HSPG2: variants seen among roughly 807,000 people sequenced by gnomAD.
HSPG2 encodes the protein basement membrane-specific heparan sulfate proteoglycan core protein.
Under a neutral mutation model 526.6 loss-of-function variants are expected in HSPG2, and 278 were observed. That is an observed-to-expected ratio of 0.53 (90% CI 0.48 to 0.58). The LOEUF is 0.58. Ranked by LOEUF, HSPG2 falls within the 20% of genes least tolerant of loss-of-function variation. HSPG2 has a pLI of 0.00. For missense variants in HSPG2, 5,354 were observed against 6,099.5 expected (o/e 0.88, Z 4.07); for synonymous variants, 2,465 against 2,555.4 (o/e 0.96, Z 1.07).
At chr1:21,896,350 C>A in intron 1 of HSPG2, 40 bp from the exon 2 acceptor site, 1 of 1,606,894 alleles carries the variant, frequency 6.2e-7, no homozygotes, top group Non-Finnish European at 8.5e-7. Flanking sequence ...CTCTCTCCAG[C>A]TCCCACTGAG....
intron 1 of HSPG2, among the ~76,000 whole-genome samples, chr1:21,913,406 C>T (rs1643771262): frequency 6.6e-6 from 1 of 152,186 alleles, no homozygotes; most frequent in South Asian, 2.1e-4. Context: ...ATGCGACATC[C>T]CAGGGACTCG....
rs1572144481 is a variant in HSPG2 at position 21,828,795 on chromosome 1, A to C, written c.12237+40T>G. The C allele has an allele frequency of 6.5e-7, 1 of 1,538,618 alleles. No individual in the cohort carries two copies. ...AGCCGAGGGGGACACAAGGCTTGGC[A>C]CCCCTCCCCTCCCGCTTGTCCCGAG... On this transcript the variant is annotated intron_variant, in intron 88 of 96. Coordinates refer to ENST00000374695, the MANE Select transcript of HSPG2 (RefSeq NM_005529.7). The surrounding 1 kb of genome is among the most constrained non-coding windows in gnomAD (Gnocchi z 6.0).
rs1368838439 is a variant in HSPG2 at position 21,846,556 on chromosome 1, T to G, written c.8208A>C (p.Ser2736=). The G allele has an allele frequency of 1.9e-6, 3 of 1,613,610 alleles. No individual in the cohort carries two copies. The highest frequency in any genetic ancestry group is 2.5e-6 in the Non-Finnish European group (3 of 1,180,012). The change falls in exon 63 of 97, where the codon TCA becomes TCC. Residue 2736 remains serine (S), a synonymous_variant. Transcript: ENST00000374695. ...SMPIRIESSS[S]HVAEGETLDL... Reference sequence around the variant, plus strand: ...CCAGGGTCTCCCCTTCGGCCACGTGTGAGGAGGATGACTCAATTCTGATGG... The same window carrying G: ...CCAGGGTCTCCCCTTCGGCCACGTGGGAGGAGGATGACTCAATTCTGATGG...
At chr1:21,869,589 G>A in intron 33 of HSPG2, 1 of 986,124 alleles carries the variant, frequency 1.0e-6, no homozygotes, top group African/African-American at 1.7e-5. Context: ...CCTGGGGAGG[G>A]GGTTGGGGTT....
At position 21,839,337 on chromosome 1, in the gene HSPG2, A is replaced by C. The variant is rs770462744; in HGVS notation, c.9889+34T>G. 6.2e-7 allele frequency: 1 copy of C among 1,604,344 alleles called. No individual in the cohort carries two copies. The highest frequency in any genetic ancestry group is 8.5e-7 in the Non-Finnish European group (1 of 1,178,260). ...GCCTAGTCGGGGGGCTCAGATCTCC[A>C]TTTGGTGCAGACAAAGAAGGGATGA... On this transcript the variant is annotated intron_variant, in intron 73 of 96. Transcript: ENST00000374695. This position sits in a 1 kb window ranked among gnomAD's most constrained non-coding sequence, Gnocchi z 4.5.
At position 21,881,428 on chromosome 1, in the gene HSPG2, G is replaced by T. The variant is rs1557776607; in HGVS notation, c.1729C>A (p.Leu577Met). 5.6e-6 allele frequency: 9 copies of T among 1,613,858 alleles called. No homozygotes were observed. Among genetic ancestry groups the T allele is most frequent in the Non-Finnish European group, 7.6e-6 (9 of 1,180,038 alleles). ...AGGTCGACTAGCTGGAACTCGTGCA[G>T]GGATGGGTCGATCTGCAGCTGCGTG... Reference protein sequence around the residue: ...SSTQLQIDPSLHEFQLVDLSR... With the variant: ...SSTQLQIDPSMHEFQLVDLSR... The change falls in exon 14 of 97, where the codon CTG becomes ATG. Residue 577 changes from leucine to methionine, a missense_variant. Physicochemically the swap from Leu to Met is conservative, Grantham distance 15 (BLOSUM62 2). Coordinates refer to ENST00000374695, the MANE Select transcript of HSPG2 (RefSeq NM_005529.7).
intron 6 of HSPG2, 175 bp downstream of exon 6, chr1:21,889,806 C>A: frequency 1.5e-6 from 1 of 687,962 alleles, no homozygotes; most frequent in Non-Finnish European, 2.6e-6. Context: ...CTAGAGGAAA[C>A]AGTCTGTGCT....
chr1:21,861,255 A>G (rs1639762598), intron 39 of HSPG2, among the ~76,000 whole-genome samples: 1 of 152,114 alleles, frequency 6.6e-6, no homozygotes, highest in Non-Finnish European at 1.5e-5. Context: ...TGAATGAGTG[A>G]ATGAAGCTGG....
intron 1 of HSPG2, among the ~76,000 whole-genome samples, chr1:21,909,540 T>C (rs1005526917): frequency 2.4e-4 from 37 of 152,224 alleles, no homozygotes; most frequent in African/African-American, 7.2e-4. Flanking sequence ...GCAGGGAATG[T>C]CCCAAGGGAC....
Position 21,864,343 on chromosome 1 carries a change from C to T in HSPG2, c.4627-130G>A. ...ACATCACAGGCCGGCGCCCCTCCTT[C>T]CCCACTTCTGCTCAGTCTGTCCTCC... On this transcript the variant is annotated intron_variant, in intron 36 of 96. Coordinates refer to ENST00000374695, the MANE Select transcript of HSPG2 (RefSeq NM_005529.7). The surrounding 1 kb of genome is among the most constrained non-coding windows in gnomAD (Gnocchi z 4.8). 1.3e-6 allele frequency: 1 copy of T among 759,666 alleles called. No individual in the cohort carries two copies. The highest frequency in any genetic ancestry group is 2.3e-6 in the Non-Finnish European group (1 of 429,510). 47.1% of individuals were successfully genotyped at this position (759,666 alleles called of 1,614,324 possible). A position where few individuals can be genotyped will look rare whatever the true frequency, so the allele number is the denominator to read the frequency against.
At chr1:21,892,990 C>T (rs975794216) in intron 3 of HSPG2, among the ~76,000 whole-genome samples, 13 of 152,298 alleles carry the variant, frequency 8.5e-5, no homozygotes, top group African/African-American at 3.1e-4. Context: ...CCTCTCCCTC[C>T]TCTCACCCTA....
At chr1:21,825,826 C>T (rs528842826) in intron 91 of HSPG2, among the ~76,000 whole-genome samples, 2 of 152,304 alleles carry the variant, frequency 1.3e-5, no homozygotes, top group Admixed American at 6.5e-5. Flanking sequence ...CGCTCCGTGG[C>T]CCAGGCTGGA....
chr1:21,826,025 C>CA, intron 91 of HSPG2, among the ~76,000 whole-genome samples: 1 of 152,054 alleles, frequency 6.6e-6, no homozygotes, highest in East Asian at 1.9e-4. Context: ...TCAGGTGATC[C>CA]ACCCACCTTG....
rs546733815 is a variant in HSPG2, at chr1:21,830,654, C to A, written c.11671+328G>T. ...GCAGTGAGCTGAGATCGTGCCACTGCACTCCAGCCTGGGCAACAAGAGCGA... is the reference window on the plus strand; with the variant it reads ...GCAGTGAGCTGAGATCGTGCCACTGAACTCCAGCCTGGGCAACAAGAGCGA... On this transcript the variant is annotated intron_variant, in intron 85 of 96. Coordinates refer to ENST00000374695, the MANE Select transcript of HSPG2 (RefSeq NM_005529.7). 9.4e-6 allele frequency: 3 copies of A among 319,398 alleles called. No homozygotes were observed. In the South Asian group the frequency reaches 1.2e-4, roughly 12 times the overall value. 19.8% of individuals were successfully genotyped at this position (319,398 alleles called of 1,614,324 possible). A position where few individuals can be genotyped will look rare whatever the true frequency, so the allele number is the denominator to read the frequency against.
At position 21,884,205 on chromosome 1, in the gene HSPG2, C is replaced by T. The variant is rs186597511; in HGVS notation, c.1654+323G>A. 2.2e-4 allele frequency among the ~76,000 whole-genome samples: 33 copies of T among 152,208 alleles called. No homozygotes were observed. In the South Asian group the frequency reaches 2.5e-3, roughly 11 times the overall value. On this transcript the variant is annotated intron_variant, in intron 13 of 96. Coordinates refer to ENST00000374695, the MANE Select transcript of HSPG2 (RefSeq NM_005529.7). ...CCACACCCCCCGACTTTACAGATGA[C>T]GAAACAGACACGAGATAGTGGGTAA...
At chr1:21,875,320 A>G in intron 25 of HSPG2, 2 of 595,116 alleles carry the variant, frequency 3.4e-6, no homozygotes, top group South Asian at 2.0e-5. Flanking sequence ...GACTCTCCAG[A>G]GCTCCCTGTG....
rs62642511 is a variant in HSPG2 at position 21,842,083 on chromosome 1, C to A, written c.9112G>T (p.Asp3038Tyr). The A allele has an allele frequency of 2.5e-6, 4 of 1,613,702 alleles. No homozygotes were observed. The highest frequency in any genetic ancestry group is 1.7e-4 in the Middle Eastern group (1 of 6,060). ...TGGATGAGGCACTTGAAGCTGGCATCCTGGCCCTGCTGCACGGTGCTGCTG... is the reference window on the plus strand; with the variant it reads ...TGGATGAGGCACTTGAAGCTGGCATACTGGCCCTGCTGCACGGTGCTGCTG... Reference protein sequence around the residue: ...PPSSTVQQGQDASFKCLIHDG... With the variant: ...PPSSTVQQGQYASFKCLIHDG... The change falls in exon 69 of 97, where the codon GAT becomes TAT. Residue 3038 changes from aspartate to tyrosine, a missense_variant. Asp to Tyr is a radical substitution (Grantham distance 160). Transcript: ENST00000374695.
chr1:21,835,772 T>A (rs2098024138), intron 75 of HSPG2, 135 bp from the exon 76 acceptor site: 2 of 662,974 alleles, frequency 3.0e-6, no homozygotes, highest in South Asian at 3.1e-5. Context: ...TCACTTGAGA[T>A]CAGGAGCTTG....
At position 21,898,584 on chromosome 1, in the gene HSPG2, T is replaced by G. The variant is rs565569079; in HGVS notation, c.64-2274A>C. 3.0e-4 allele frequency among the ~76,000 whole-genome samples: 46 copies of G among 152,356 alleles called. No individual in the cohort carries two copies. The highest frequency in any genetic ancestry group is 1.1e-3 in the African/African-American group (45 of 41,588). Reference sequence around the variant, plus strand: ...CCAGGGGATTCCCACAGTCCCTGGTTAGAACCGTAAGACCAGCCCCTACCA... The same window carrying G: ...CCAGGGGATTCCCACAGTCCCTGGTGAGAACCGTAAGACCAGCCCCTACCA... On this transcript the variant is annotated intron_variant, in intron 1 of 96. Transcript: ENST00000374695. The surrounding 1 kb of genome is among the most constrained non-coding windows in gnomAD (Gnocchi z 4.0).
Sources: allele counts gnomAD v4.1 joint callset (sites outside exome capture counted in the v4.1 genomes callset), GRCh38; gene constraint gnomAD v4.1.1; non-coding constraint Gnocchi (gnomAD v3.1); transcripts MANE v1.5; gene names NCBI Gene and HGNC (gene_info 2026-07-23, HGNC 2026-07-21).